ZNF251: variants seen among roughly 807,000 people sequenced by gnomAD.
ZNF251 encodes zinc finger protein 251.
A neutral mutation model predicts 13.5 loss-of-function variants in ZNF251; 14 were observed. The ratio of observed to expected loss-of-function variants is 1.04; its 90% confidence interval spans 0.69 to 1.63. The LOEUF is 1.63. ZNF251 is among the 40% of genes most tolerant of loss of function. ZNF251 has a pLI of 0.00. For missense variants in ZNF251, 764 were observed against 834.9 expected, an observed-to-expected ratio of 0.92 and a Z score of 1.05; for synonymous variants, 287 against 295.2, an observed-to-expected ratio of 0.97 and a Z score of 0.28.
chr8:144,721,955 T>C lies in ZNF251; in HGVS notation c.1705A>G (p.Asn569Asp). 9 of 1,522,896 alleles carry C rather than the reference T, an allele frequency of 5.9e-6. No homozygotes were observed. The highest frequency in any genetic ancestry group is 7.9e-6 in the Non-Finnish European group (9 of 1,135,050). 94.3% of individuals were successfully genotyped at this position (1,522,896 alleles called of 1,614,324 possible). The change falls in exon 5 of 5, where the codon AAT (asparagine) becomes GAT (aspartate). Residue 569 changes from asparagine to aspartate, a missense_variant. By Grantham distance (23) the Asn-to-Asp change is conservative. Transcript: ENST00000292562. Reference protein sequence around the residue: ...VHTGEKSFGCNEYGKAFSPTS... With the variant: ...VHTGEKSFGCDEYGKAFSPTS... ...GGACTGAAAGCTTTTCCATATTCAT[T>C]ACATCCAAAGGATTTCTCACCAGTG...
chr8:144,737,704 C>A (rs1045843359), intron 4 of ZNF251, among the ~76,000 whole-genome samples: 1 of 146,470 alleles, frequency 6.8e-6, no homozygotes, highest in Non-Finnish European at 1.5e-5. Flanking sequence ...TGGTGGCAGG[C>A]GCCTGTAGTC....
intron 4 of ZNF251, among the ~76,000 whole-genome samples, chr8:144,724,609 G>A (rs1365580181): frequency 1.3e-5 from 2 of 152,220 alleles, no homozygotes; most frequent in African/African-American, 2.4e-5. Context: ...ACTGCCATAT[G>A]TACGTTGAAA....
chr8:144,737,815 G>A (rs1419175505), intron 4 of ZNF251, among the ~76,000 whole-genome samples: 1 of 137,650 alleles, frequency 7.3e-6, no homozygotes, highest in Non-Finnish European at 1.5e-5. Flanking sequence ...TCCAGCCTGG[G>A]CAACAGAGCG....
intron 2 of ZNF251, 59 bp downstream of exon 2, chr8:144,754,637 G>C: frequency 6.4e-7 from 1 of 1,562,220 alleles, no homozygotes; most frequent in Non-Finnish European, 8.6e-7. Context: ...GAGGAGAGTA[G>C]CTTCTGACTG....
At chr8:144,730,141 C>A (rs1374582426) in intron 4 of ZNF251, 2 of 984,148 alleles carry the variant, frequency 2.0e-6, no homozygotes, top group Non-Finnish European at 2.4e-6. Flanking sequence ...ACTCAGGAAC[C>A]AAACAGGGAA....
intron 4 of ZNF251, among the ~76,000 whole-genome samples, chr8:144,735,458 C>A (rs542652000): frequency 1.6e-3 from 247 of 151,902 alleles, no homozygotes; most frequent in Non-Finnish European, 2.8e-3. Context: ...CTACTCAGGG[C>A]ATGTAGTACC....
At chr8:144,745,865 G>C (rs1240322971) in intron 4 of ZNF251, among the ~76,000 whole-genome samples, 1 of 152,076 alleles carries the variant, frequency 6.6e-6, no homozygotes, top group Middle Eastern at 3.2e-3. Context: ...CTGTGATTGA[G>C]ATTGTGTTGA....
chr8:144,729,256 A>G lies in ZNF251; in HGVS notation c.278-5874T>C, dbSNP rs564168912. 1.1e-3 allele frequency among the ~76,000 whole-genome samples: 170 copies of G among 152,234 alleles called. 1 individual carries two copies. Among genetic ancestry groups the G allele is most frequent in the African/African-American group, 3.8e-3 (157 of 41,576 alleles). On this transcript the variant is annotated intron_variant, in intron 4 of 4. Coordinates refer to ENST00000292562, the MANE Select transcript of ZNF251 (RefSeq NM_138367.2). ...AAAGAAAAATTGGGATAAAAACGAA[A>G]ACAAAATTTTATGTCATTTTCTCCA...
rs756327524 is a variant in ZNF251 at position 144,754,292 on chromosome 8, G to A, written c.63C>T (p.Ala21=). 11 of 1,612,434 alleles carry A rather than the reference G, an allele frequency of 6.8e-6. No individual in the cohort carries two copies. Among genetic ancestry groups the A allele is most frequent in the Non-Finnish European group, 9.3e-6 (11 of 1,179,258 alleles). ...QEMPLTFQDV[A]VYFSQAEGRQ... Reference sequence around the variant, plus strand: ...GCCCCTCCGCCTGAGAGAAGTACACGGCCACATCCTGGAAGGTCAGCGGCA... The same window carrying A: ...GCCCCTCCGCCTGAGAGAAGTACACAGCCACATCCTGGAAGGTCAGCGGCA... Residue 21 remains alanine, a synonymous_variant, in exon 3 of 5, where the codon GCC becomes GCT. Coordinates refer to ENST00000292562, the MANE Select transcript of ZNF251 (RefSeq NM_138367.2).
chr8:144,755,239 G>A, intron 1 of ZNF251, 166 bp downstream of exon 1: 2 of 1,186,234 alleles, frequency 1.7e-6, no homozygotes, highest in South Asian at 3.1e-5. Context: ...AGCCTTCTAG[G>A]GCCGCGCCGC....
At chr8:144,723,624 T>C (rs528313222) in intron 4 of ZNF251, among the ~76,000 whole-genome samples, 3 of 152,340 alleles carry the variant, frequency 2.0e-5, no homozygotes, top group Admixed American at 6.5e-5. Flanking sequence ...ACCTATCAAA[T>C]TGGCAAATTA....
chr8:144,722,425 C>T lies in ZNF251; in HGVS notation c.1235G>A (p.Arg412Lys). 1 of 1,613,944 alleles carries T rather than the reference C, an allele frequency of 6.2e-7. No homozygotes were observed. The highest frequency in any genetic ancestry group is 1.1e-5 in the South Asian group (1 of 91,070). The part of the protein sequence containing the change: ...EKPYVCNECG[R>K]AFGFNSHLTE... Reference sequence around the variant, plus strand: ...AAGATGAGAGTTAAAACCAAAGGCTCTGCCGCATTCATTACATACATAGGG... The same window carrying T: ...AAGATGAGAGTTAAAACCAAAGGCTTTGCCGCATTCATTACATACATAGGG... The change falls in exon 5 of 5, where the codon AGA becomes AAA. Residue 412 changes from arginine to lysine, a missense_variant. Arg to Lys is a conservative substitution (Grantham distance 26, BLOSUM62 2). Coordinates refer to ENST00000292562, the MANE Select transcript of ZNF251 (RefSeq NM_138367.2). The surrounding 1 kb of genome is among the most constrained non-coding windows in gnomAD (Gnocchi z 4.8).
At chr8:144,735,922 G>A (rs932665010) in intron 4 of ZNF251, among the ~76,000 whole-genome samples, 73 of 152,268 alleles carry the variant, frequency 4.8e-4, no homozygotes, top group Admixed American at 2.5e-3. Context: ...CTCGGCAGTC[G>A]CCTGCTGAGG....
intron 4 of ZNF251, among the ~76,000 whole-genome samples, chr8:144,742,150 C>A (rs1824191501): frequency 6.6e-6 from 1 of 151,826 alleles, no homozygotes; most frequent in African/African-American, 2.4e-5. Context: ...GCTGACTCCT[C>A]ATCGAAAGTC....
At chr8:144,743,024 G>A (rs1430346809) in intron 4 of ZNF251, among the ~76,000 whole-genome samples, 1 of 152,066 alleles carries the variant, frequency 6.6e-6, no homozygotes, top group Non-Finnish European at 1.5e-5. Context: ...TGCACTTAAG[G>A]TTCCTCTATG....
rs201973569 is a variant in ZNF251 at position 144,721,939 on chromosome 8, G to A, written c.1721C>T (p.Ala574Val). The change falls in exon 5 of 5, where the codon GCT (alanine) becomes GTT (valine). Residue 574 changes from alanine to valine, a missense_variant. Ala to Val is a moderately conservative substitution (Grantham distance 64). Transcript: ENST00000292562. ...AGTGGGTCGTGAGGTGGGACTGAAA[G>A]CTTTTCCATATTCATTACATCCAAA... ...KSFGCNEYGK[A>V]FSPTSRPTED... is the part of the protein sequence containing the mutation. The A allele has an allele frequency of 3.2e-5, 49 of 1,517,250 alleles. No homozygotes were observed. In the Admixed American group the frequency reaches 6.6e-4, roughly 21 times the overall value. 94.0% of individuals were successfully genotyped at this position (1,517,250 alleles called of 1,614,324 possible). A position where few individuals can be genotyped will look rare whatever the true frequency, so the allele number is the denominator to read the frequency against.
intron 4 of ZNF251, among the ~76,000 whole-genome samples, chr8:144,742,389 CA>C (rs1454166080): frequency 6.6e-6 from 1 of 152,006 alleles, no homozygotes; most frequent in Non-Finnish European, 1.5e-5. Context: ...TCTGGGGAAA[CA>C]TGAGATTTTT....
chr8:144,732,688 T>C (rs1340802947), intron 4 of ZNF251, among the ~76,000 whole-genome samples: 2 of 151,882 alleles, frequency 1.3e-5, no homozygotes, highest in Non-Finnish European at 2.9e-5. Context: ...GGCAGGCACT[T>C]ATAGTCCCAG....
rs752766359 is a variant in ZNF251 at position 144,721,893 on chromosome 8, A to G, written c.1767T>C (p.Ala589=). 38 of 1,503,988 alleles carry G rather than the reference A, an allele frequency of 2.5e-5. No individual in the cohort carries two copies. The highest frequency in any genetic ancestry group is 3.3e-5 in the Non-Finnish European group (37 of 1,125,830). 93.2% of individuals were successfully genotyped at this position (1,503,988 alleles called of 1,614,324 possible). The change falls in exon 5 of 5, where the codon GCT becomes GCC. Residue 589 remains alanine, a synonymous_variant. Coordinates refer to ENST00000292562, the MANE Select transcript of ZNF251 (RefSeq NM_138367.2). ...SRPTEDQIMH[A]GEKPYKCQEC... Reference sequence around the variant, plus strand: ...CTTGACATTTATAGGGCTTTTCCCCAGCATGCATTATCTGATCTTCAGTGG... The same window carrying G: ...CTTGACATTTATAGGGCTTTTCCCCGGCATGCATTATCTGATCTTCAGTGG...
Sources: gnomAD v4.1 joint callset for allele counts (sites outside exome capture counted in the v4.1 genomes callset) on GRCh38, gnomAD v4.1.1 for gene constraint, Gnocchi (gnomAD v3.1) non-coding constraint, MANE v1.5 for transcripts, NCBI Gene and HGNC (gene_info 2026-07-23, HGNC 2026-07-21) for gene names.